NAP1L4: variants seen among roughly 807,000 people sequenced by gnomAD.
NAP1L4 encodes the protein nucleosome assembly protein 1 like 4.
A neutral mutation model predicts 58.2 loss-of-function variants in NAP1L4; 15 were observed. That is an observed-to-expected ratio of 0.26 (90% CI 0.17 to 0.40). The LOEUF is 0.40. Ranked by LOEUF, NAP1L4 falls within the 10% of genes least tolerant of loss-of-function variation. The pLI is 1.00. For synonymous variants in NAP1L4, 171 were observed against 155.6 expected (o/e 1.10, Z -0.74); for missense variants, 384 against 451.1 (o/e 0.85, Z 1.35).
intron 4 of NAP1L4, among the ~76,000 whole-genome samples, chr11:2,973,404 C>G (rs1847763348): frequency 6.6e-6 from 1 of 152,152 alleles, no homozygotes; most frequent in South Asian, 2.1e-4. Context: ...AATAATCTAC[C>G]TGGGGCAGGG....
At position 2,972,157 on chromosome 11, in the gene NAP1L4, T is replaced by G; in HGVS notation, c.260A>C (p.Glu87Ala). The G allele has an allele frequency of 6.2e-7, 1 of 1,607,092 alleles. No individual in the cohort carries two copies. The highest frequency in any genetic ancestry group is 8.5e-7 in the Non-Finnish European group (1 of 1,178,042). Residue 87 changes from glutamate (E) to alanine (A), a missense_variant, in exon 5 of 16, where the codon GAG (glutamate) becomes GCG (alanine). Glu to Ala is a moderately radical substitution (Grantham distance 107, BLOSUM62 -1). Around this residue, in one of 3 missense-constraint regions of NAP1L4, gnomAD observed 296 missense variants for 360.8 expected, o/e 0.82. Transcript: ENST00000380542. Reference sequence around the variant, plus strand: ...ATACTTTCTTTCCAAGTCATGTACCTCTTCATAGAACTTGGCTTCTATGTG... The same window carrying G: ...ATACTTTCTTTCCAAGTCATGTACCGCTTCATAGAACTTGGCTTCTATGTG... ...CAHIEAKFYE[E>A]VHDLERKYAA...
chr11:2,969,719 C>T, intron 7 of NAP1L4, 84 bp downstream of exon 7: 1 of 1,459,816 alleles, frequency 6.9e-7, no homozygotes, highest in Non-Finnish European at 9.2e-7. Context: ...TTTCAATGCC[C>T]AGTGTAGTGC....
intron 1 of NAP1L4, among the ~76,000 whole-genome samples, chr11:2,979,640 T>C (rs1488643232): frequency 6.6e-6 from 1 of 151,994 alleles, no homozygotes; most frequent in Non-Finnish European, 1.5e-5. Flanking sequence ...AGCGTGGTGG[T>C]GCACGCCTGT....
chr11:2,972,026 TA>T (rs1847666170), intron 5 of NAP1L4, 75 bp downstream of exon 5: 1 of 1,404,414 alleles, frequency 7.1e-7, no homozygotes, highest in Non-Finnish European at 9.4e-7. Flanking sequence ...GTTGTCAACT[TA>T]TAATGGGTTT....
At chr11:2,965,825 C>T (rs111491805) in intron 7 of NAP1L4, among the ~76,000 whole-genome samples, 297 of 152,324 alleles carry the variant, frequency 1.9e-3, no homozygotes, top group Non-Finnish European at 3.2e-3. Context: ...CCACCGCGCC[C>T]GGCCACACAC....
intron 1 of NAP1L4, chr11:2,981,654 C>T (rs921115372): frequency 6.6e-6 from 1 of 151,954 alleles, no homozygotes; most frequent in Non-Finnish European, 1.5e-5. Context: ...CATGGAGAAA[C>T]CCGTCTCTAC....
At chr11:2,965,371 T>C (rs927201323) in intron 7 of NAP1L4, among the ~76,000 whole-genome samples, 1 of 152,244 alleles carries the variant, frequency 6.6e-6, no homozygotes, top group African/African-American at 2.4e-5. Flanking sequence ...AGCATGGGAC[T>C]GTACTGAATA....
At chr11:2,956,193 G>C (rs546724439) in intron 10 of NAP1L4, among the ~76,000 whole-genome samples, 3 of 152,232 alleles carry the variant, frequency 2.0e-5, no homozygotes, top group Non-Finnish European at 4.4e-5. Flanking sequence ...CTTATAAGCT[G>C]TGAGTGTTAC....
At chr11:2,950,684 T>TA in intron 14 of NAP1L4, among the ~76,000 whole-genome samples, 1 of 152,328 alleles carries the variant, frequency 6.6e-6, no homozygotes, top group East Asian at 1.9e-4. Context: ...AGACCACAAA[T>TA]AAAAATCTAA....
chr11:2,952,168 A>G, intron 12 of NAP1L4: 1 of 328,080 alleles, frequency 3.0e-6, no homozygotes, highest in Admixed American at 4.5e-5. Context: ...GTTTTCCTTA[A>G]ATTTTCTACA....
At chr11:2,958,600 A>ATT in intron 9 of NAP1L4, 56 bp from the exon 10 acceptor site, 2 of 1,561,774 alleles carry the variant, frequency 1.3e-6, no homozygotes, top group Non-Finnish European at 1.7e-6. Flanking sequence ...AATCCATTAC[A>ATT]AATGCATGCA....
In NAP1L4 at chr11:2,971,347, T is replaced by C; in HGVS notation, c.402+101A>G. The C allele has an allele frequency of 2.0e-6, 2 of 998,786 alleles. No individual in the cohort carries two copies. The highest frequency in any genetic ancestry group is 3.0e-6 in the Non-Finnish European group (2 of 665,720). The allele number at this position is 998,786 out of a possible 1,614,324, so 61.9% of individuals were successfully genotyped here. A position where few individuals can be genotyped will look rare whatever the true frequency, so the allele number is the denominator to read the frequency against. On this transcript the variant is annotated intron_variant, in intron 6 of 15. Transcript: ENST00000380542. The surrounding 1 kb of genome is among the most constrained non-coding windows in gnomAD (Gnocchi z 4.2). ...CCTAATGATGCAGCAGCACCTACTG[T>C]TAGAAGCACATAAGTTTACTAGTCA...
Position 2,945,549 on chromosome 11 carries a change from G to A in NAP1L4, c.*130C>T, listed in dbSNP as rs879691967. ...GGATTGTGCTGCGGCAAGGACCGAG[G>A]CCCCGCCCACAGGCCTGGAGTCCCG... On this transcript the variant is annotated 3_prime_UTR_variant, in exon 16 of 16. Transcript: ENST00000380542. The A allele has an allele frequency of 2.7e-6, 4 of 1,465,510 alleles. No homozygotes were observed. Among genetic ancestry groups the A allele is most frequent in the Non-Finnish European group, 3.7e-6 (4 of 1,084,400 alleles). The allele number at this position is 1,465,510 out of a possible 1,614,324, so 90.8% of individuals were successfully genotyped here. A position where few individuals can be genotyped will look rare whatever the true frequency, so the allele number is the denominator to read the frequency against.
intron 1 of NAP1L4, among the ~76,000 whole-genome samples, chr11:2,983,056 T>C (rs1338632729): frequency 6.6e-6 from 1 of 152,072 alleles, no homozygotes; most frequent in Non-Finnish European, 1.5e-5. Context: ...GTTGCTGCTA[T>C]TGGAACAAGT....
chr11:2,969,776 C>A, intron 7 of NAP1L4, 27 bp downstream of exon 7: 1 of 1,587,094 alleles, frequency 6.3e-7, no homozygotes, highest in Non-Finnish European at 8.6e-7. Flanking sequence ...AGCACATAAT[C>A]TCTCTACAAG....
At position 2,971,420 on chromosome 11, in the gene NAP1L4, CAT is replaced by C. The variant is rs747122291; in HGVS notation, c.402+26_402+27del. 11 of 1,593,096 alleles carry C rather than the reference CAT, an allele frequency of 6.9e-6. No individual in the cohort carries two copies. The highest frequency in any genetic ancestry group is 6.9e-6 in the Non-Finnish European group (8 of 1,162,930). On this transcript the variant is annotated intron_variant, in intron 6 of 15. Transcript: ENST00000380542. This position sits in a 1 kb window ranked among gnomAD's most constrained non-coding sequence, Gnocchi z 4.2. ...TATTTTTAACAGTATTAAAACAGAA[CAT>C]GAGTCACATGTTTCTAAAGACTTAC...
rs541369963 is a variant in NAP1L4, at chr11:2,975,583, A to G, written c.173+441T>C. Among the ~76,000 whole-genome samples, 5 of 151,736 alleles carry G rather than the reference A, an allele frequency of 3.3e-5. No individual in the cohort carries two copies. The South Asian group carries it at 6.3e-4, about 19-fold the overall frequency. Reference sequence around the variant, plus strand: ...CCATCTTTTTTTTTTTCTTAAAGACAGTCTCACTGTCACCCAGGCTGGAGG... The same window carrying G: ...CCATCTTTTTTTTTTTCTTAAAGACGGTCTCACTGTCACCCAGGCTGGAGG... On this transcript the variant is annotated intron_variant, in intron 4 of 15. Coordinates refer to ENST00000380542, the MANE Select transcript of NAP1L4 (RefSeq NM_005969.4).
rs537735460 is a variant in NAP1L4 at position 2,991,988 on chromosome 11, G to A, written c.-18+266C>T. ...AAGCGCCTTGACCTTCAGTGAGGCG[G>A]GCAGCCGGGCGAGGCGCGCCGGGAG... On this transcript the variant is annotated intron_variant, in intron 1 of 15. Coordinates refer to ENST00000380542, the MANE Select transcript of NAP1L4 (RefSeq NM_005969.4). 4 of 152,132 alleles carry A rather than the reference G, an allele frequency of 2.6e-5. No individual in the cohort carries two copies. In the South Asian group the frequency reaches 8.3e-4, roughly 31 times the overall value. The allele number at this position is 152,132 out of a possible 1,614,324, so 9.4% of individuals were successfully genotyped here.
intron 7 of NAP1L4, among the ~76,000 whole-genome samples, chr11:2,965,871 C>G (rs1405633437): frequency 6.6e-6 from 1 of 152,218 alleles, no homozygotes; most frequent in Non-Finnish European, 1.5e-5. Flanking sequence ...CAGAGCGTGT[C>G]TGAGATCCAA....
Sources: gnomAD v4.1 joint callset for allele counts (sites outside exome capture counted in the v4.1 genomes callset) on GRCh38, gnomAD v4.1.1 for gene constraint, gnomAD v4.1.1 regional missense constraint, Gnocchi (gnomAD v3.1) non-coding constraint, MANE v1.5 for transcripts, NCBI Gene and HGNC (gene_info 2026-07-23, HGNC 2026-07-21) for gene names.